DLGAP2: variants seen among roughly 807,000 people sequenced by gnomAD.
The protein encoded by DLGAP2 is DLG associated protein 2.
In DLGAP2, 26 loss-of-function variants were observed where a neutral mutation model predicts 100.3. That is an observed-to-expected ratio of 0.26 (90% confidence interval 0.19 to 0.36). The LOEUF is 0.36. Ranked by LOEUF, DLGAP2 falls within the 10% of genes least tolerant of loss-of-function variation. The pLI, the probability that DLGAP2 is intolerant of heterozygous loss-of-function variation, is 1.00. For missense variants in DLGAP2, 1,858 were observed against 1,453.2 expected (o/e 1.28, Z -4.53); for synonymous variants, 886 against 630.1 (o/e 1.41, Z -6.08).
At chr8:1,474,996 G>A (rs527257460) in intron 3 of DLGAP2, among the ~76,000 whole-genome samples, 42 of 152,324 alleles carry the variant, frequency 2.8e-4, no homozygotes, top group Admixed American at 4.6e-4. Context: ...CCCATCAAAG[G>A]GGGATTGAAT....
intron 3 of DLGAP2, among the ~76,000 whole-genome samples, chr8:1,438,993 T>G (rs559687043): frequency 6.6e-6 from 1 of 152,336 alleles, no homozygotes; most frequent in South Asian, 2.1e-4. Flanking sequence ...TAGCTTCTTA[T>G]GAAGAAACAA....
chr8:1,500,380 C>T (rs1025870226), intron 3 of DLGAP2, among the ~76,000 whole-genome samples: 3 of 152,048 alleles, frequency 2.0e-5, no homozygotes, highest in Non-Finnish European at 4.4e-5. Context: ...TGGGCAGAGC[C>T]TCCCTGAGAT....
At chr8:1,619,718 A>T (rs115664734) in intron 6 of DLGAP2, 2 of 152,236 alleles carry the variant, frequency 1.3e-5, no homozygotes, top group African/African-American at 4.8e-5. Context: ...ACAGAACTCC[A>T]TAAGTTATGT....
intron 2 of DLGAP2, among the ~76,000 whole-genome samples, chr8:969,182 T>A (rs1563120026): frequency 6.6e-6 from 1 of 152,170 alleles, no homozygotes; most frequent in Non-Finnish European, 1.5e-5. Context: ...CTGACTAGAA[T>A]GAAGGACACC....
At chr8:1,438,177 G>A (rs902119888) in intron 3 of DLGAP2, among the ~76,000 whole-genome samples, 1 of 152,120 alleles carries the variant, frequency 6.6e-6, no homozygotes, top group African/African-American at 2.4e-5. Context: ...GTTACGAGGG[G>A]CAACCAGCGC....
At chr8:1,174,674 T>TCAC (rs1797215134) in intron 2 of DLGAP2, among the ~76,000 whole-genome samples, 1 of 149,416 alleles carries the variant, frequency 6.7e-6, no homozygotes, top group South Asian at 2.1e-4. Flanking sequence ...ATCATCACCA[T>TCAC]CACCACCATC....
chr8:1,549,415 G>A lies in DLGAP2; in HGVS notation c.962G>A (p.Gly321Asp), dbSNP rs752800873. 2 of 1,613,438 alleles carry A rather than the reference G, an allele frequency of 1.2e-6. No homozygotes were observed. Among genetic ancestry groups the A allele is most frequent in the Admixed American group, 1.7e-5 (1 of 60,028 alleles). The change falls in exon 5 of 15, where the codon GGC (glycine) becomes GAC (aspartate). Residue 321 changes from glycine to aspartate, a missense_variant. Physicochemically the swap from Gly to Asp is moderately conservative, Grantham distance 94 (BLOSUM62 -1). Transcript: ENST00000637795. Reference sequence around the variant, plus strand: ...AGCGTGCTCAACCGGCACCACCTGGGCCCCGTGGCCCACTGCTACCCCGAC... The same window carrying A: ...AGCGTGCTCAACCGGCACCACCTGGACCCCGTGGCCCACTGCTACCCCGAC... ...TPSVLNRHHL[G>D]PVAHCYPDAL... is the part of the protein sequence containing the mutation.
rs1164538029 is a variant in DLGAP2, at chr8:1,042,728, T to TGGGTGGTG, written c.73+134763_73+134764insGGTGGTGG. ...CGGTGGTGGGTGTGGGTGGTGGATG[T>TGGGTGGTG]GAGTGGTGGATGTGGGTCGTGGATG... On this transcript the variant is annotated intron_variant, in intron 2 of 14. Coordinates refer to ENST00000637795, the MANE Select transcript of DLGAP2 (RefSeq NM_001346810.2). Among the ~76,000 whole-genome samples the TGGGTGGTG allele has an allele frequency of 1.9e-4, 28 of 143,916 alleles. 5 individuals are homozygous for TGGGTGGTG. The highest frequency in any genetic ancestry group is 1.7e-3 in the East Asian group (8 of 4,666). The allele number at this position is 143,916 out of a possible 152,430, so 94.4% of individuals were successfully genotyped here.
chr8:926,724 T>C (rs1459653009), intron 2 of DLGAP2, among the ~76,000 whole-genome samples: 4 of 152,096 alleles, frequency 2.6e-5, no homozygotes, highest in African/African-American at 4.8e-5. Flanking sequence ...AGCTGAGCCA[T>C]GTGGAGCTAA....
intron 2 of DLGAP2, among the ~76,000 whole-genome samples, chr8:1,073,590 C>T (rs985363842): frequency 6.6e-6 from 1 of 152,194 alleles, no homozygotes; most frequent in African/African-American, 2.4e-5. Flanking sequence ...AGCACTGTGT[C>T]ATAGTTCCTT....
At chr8:1,043,333 GT>G (rs1802425310) in intron 2 of DLGAP2, among the ~76,000 whole-genome samples, 1 of 147,282 alleles carries the variant, frequency 6.8e-6, no homozygotes, top group African/African-American at 2.5e-5. Context: ...GGTGATGGGT[GT>G]GGGTGGTGGG....
intron 3 of DLGAP2, among the ~76,000 whole-genome samples, chr8:1,355,767 CA>C (rs1801834317): frequency 1.3e-5 from 2 of 152,174 alleles, no homozygotes; most frequent in Non-Finnish European, 2.9e-5. Flanking sequence ...AAGTGCCCCA[CA>C]GCTGTGTGGC....
At chr8:1,670,996 G>A (rs1352008529) in intron 10 of DLGAP2, among the ~76,000 whole-genome samples, 2 of 152,224 alleles carry the variant, frequency 1.3e-5, no homozygotes, top group Non-Finnish European at 2.9e-5. Context: ...GCTGTGGACA[G>A]GTGGCCACGT....
intron 2 of DLGAP2, among the ~76,000 whole-genome samples, chr8:1,074,325 G>C (rs947178127): frequency 6.6e-6 from 1 of 152,010 alleles, no homozygotes; most frequent in Admixed American, 6.5e-5. Context: ...GTTTGCAGCA[G>C]ACTGAGGCTG....
intron 1 of DLGAP2, among the ~76,000 whole-genome samples, chr8:885,264 A>C (rs1797900672): frequency 6.6e-6 from 1 of 152,134 alleles, no homozygotes. Flanking sequence ...ATGAGGATGG[A>C]ATGTTTTTCT....
At chr8:1,120,766 A>T (rs192732780) in intron 2 of DLGAP2, among the ~76,000 whole-genome samples, 49 of 151,562 alleles carry the variant, frequency 3.2e-4, no homozygotes, top group East Asian at 1.4e-3. Context: ...TTATTTAGAA[A>T]CTAGTCATTC....
chr8:946,496 C>T (rs941031150), intron 2 of DLGAP2, among the ~76,000 whole-genome samples: 1 of 152,136 alleles, frequency 6.6e-6, no homozygotes, highest in Non-Finnish European at 1.5e-5. Context: ...ATCTCCTGAC[C>T]TTGTGATCTG....
In DLGAP2 at chr8:1,113,681, C is replaced by T. The variant is rs760849412; in HGVS notation, c.74-145170C>T. Among the ~76,000 whole-genome samples the T allele has an allele frequency of 9.9e-5, 15 of 152,118 alleles. No individual in the cohort carries two copies. The Middle Eastern group carries it at 0.01, about 103-fold the overall frequency. ...GACTTCCTCTCTTTCTGCTTGGATG[C>T]CCTTTATTTTTTCTATTGCCTGATT... On this transcript the variant is annotated intron_variant, in intron 2 of 14. Coordinates refer to ENST00000637795, the MANE Select transcript of DLGAP2 (RefSeq NM_001346810.2).
intron 3 of DLGAP2, among the ~76,000 whole-genome samples, chr8:1,440,697 G>A (rs57068990): frequency 0.014 from 2,099 of 152,344 alleles, 51 homozygotes; most frequent in African/African-American, 0.047. Context: ...TCTGGGTCCT[G>A]AAGGGCCCTT....
Sources: allele counts gnomAD v4.1 joint callset (sites outside exome capture counted in the v4.1 genomes callset), GRCh38; gene constraint gnomAD v4.1.1; transcripts MANE v1.5; gene names NCBI Gene and HGNC (gene_info 2026-07-23, HGNC 2026-07-21).